Variants in PLD1 observed in about 807,000 individuals in gnomAD.
PLD1 encodes phospholipase D1.
In PLD1, 112 loss-of-function variants were observed where a neutral mutation model predicts 137.1. The ratio of observed to expected loss-of-function variants is 0.82; its 90% confidence interval spans 0.70 to 0.96. PLD1 has a LOEUF of 0.96. PLD1 is among the 40% of genes least tolerant of loss of function. The probability of loss-of-function intolerance (pLI) is 0.00; values close to 1 mark genes in which losing one functional copy is unlikely to be tolerated. For missense variants in PLD1, 1,321 were observed against 1,342.0 expected (o/e 0.98, Z 0.24); for synonymous variants, 431 against 454.7 (o/e 0.95, Z 0.66).
At chr3:171,707,003 C>T (rs1438274231) in intron 11 of PLD1, among the ~76,000 whole-genome samples, 4 of 152,178 alleles carry the variant, frequency 2.6e-5, no homozygotes, top group African/African-American at 7.2e-5. Context: ...AGAATGAGAT[C>T]ATGTCCTTTG....
At chr3:171,667,158 A>G (rs1712233751) in intron 19 of PLD1, among the ~76,000 whole-genome samples, 1 of 152,192 alleles carries the variant, frequency 6.6e-6, no homozygotes, top group Non-Finnish European at 1.5e-5. Context: ...ATTTAGGACA[A>G]AAGCACTTTT....
intron 24 of PLD1, 91 bp downstream of exon 24, chr3:171,620,295 A>G: frequency 1.1e-6 from 1 of 873,118 alleles, no homozygotes; most frequent in Non-Finnish European, 1.7e-6. Flanking sequence ...TTCAAATGCA[A>G]AGGATGCTTA....
chr3:171,745,881 G>T (rs1720118934), intron 1 of PLD1, among the ~76,000 whole-genome samples: 1 of 151,992 alleles, frequency 6.6e-6, no homozygotes, highest in Non-Finnish European at 1.5e-5. Flanking sequence ...CTTGCAGGGA[G>T]GTGTGGAGGG....
Position 171,659,206 on chromosome 3 carries a change from CT to C in PLD1, c.2429+6del. On this transcript the variant is annotated splice_donor_region_variant and intron_variant, in intron 21 of 26. Coordinates refer to ENST00000351298, the MANE Select transcript of PLD1 (RefSeq NM_002662.5). ...TGCAGCGAGAACTCTCAGCCAAAGG[CT>C]GTTACCTGTGAGCTTTCAGGATCCT... 9 of 1,591,060 alleles carry C rather than the reference CT, an allele frequency of 5.7e-6. No individual in the cohort carries two copies. The highest frequency in any genetic ancestry group is 3.3e-4 in the Middle Eastern group (2 of 6,012).
chr3:171,676,256 C>A (rs1358089129), intron 18 of PLD1, among the ~76,000 whole-genome samples: 1 of 152,150 alleles, frequency 6.6e-6, no homozygotes, highest in Non-Finnish European at 1.5e-5. Context: ...CTTAATACTT[C>A]TTGGTTTGCT....
At chr3:171,631,291 A>C (rs1734638552) in intron 23 of PLD1, among the ~76,000 whole-genome samples, 1 of 152,152 alleles carries the variant, frequency 6.6e-6, no homozygotes, top group African/African-American at 2.4e-5. Context: ...CTGTGTATTA[A>C]AAGGTTGAGG....
intron 1 of PLD1, chr3:171,809,956 T>C (rs956449115): frequency 1.3e-5 from 2 of 152,320 alleles, no homozygotes; most frequent in Admixed American, 1.3e-4. Context: ...CACTTCCTGG[T>C]TGGTACGGGA....
Position 171,676,695 on chromosome 3 carries a change from T to C in PLD1, c.2115+20A>G, listed in dbSNP as rs1713392761. ...TGCCTCTCTTCATGTGGATAAATCA[T>C]GATAGCAACATCCAAGTACTTTTGT... On this transcript the variant is annotated intron_variant, in intron 18 of 26. Transcript: ENST00000351298. The C allele has an allele frequency of 3.8e-6, 6 of 1,576,474 alleles. No homozygotes were observed. Among genetic ancestry groups the C allele is most frequent in the Non-Finnish European group, 5.2e-6 (6 of 1,145,762 alleles).
intron 16 of PLD1, among the ~76,000 whole-genome samples, chr3:171,680,226 TTTTC>T (rs1206772862): frequency 1.3e-5 from 2 of 151,194 alleles, no homozygotes; most frequent in South Asian, 2.1e-4. Flanking sequence ...TGTCTTTTTG[TTTTC>T]TTTTTCTTCC....
intron 1 of PLD1, among the ~76,000 whole-genome samples, chr3:171,804,689 A>G (rs1460315852): frequency 6.6e-6 from 1 of 152,262 alleles, no homozygotes; most frequent in Middle Eastern, 3.2e-3. Flanking sequence ...GAAGATCCCA[A>G]TCAGGGGCTA....
chr3:171,607,737 T>C (rs1167089417), intron 25 of PLD1, among the ~76,000 whole-genome samples: 1 of 152,202 alleles, frequency 6.6e-6, no homozygotes, highest in East Asian at 1.9e-4. Flanking sequence ...CTTTAAATGA[T>C]TCTGAGTCCT....
Position 171,687,441 on chromosome 3 carries a change from A to C in PLD1, c.1683T>G (p.Ser561Arg), listed in dbSNP as rs139390007. ...GGTGCCTGTGGAGCTGCTTGTAGAG[A>C]CTAAATTTGGAGAACTTTCTTGGCT... ...IGKPRKFSKF[S>R]LYKQLHRHHL... Residue 561 changes from serine (S) to arginine (R), a missense_variant, in exon 15 of 27, where the codon AGT becomes AGG. Transcript: ENST00000351298. 1 of 1,614,056 alleles carries C rather than the reference A, an allele frequency of 6.2e-7. No homozygotes were observed. Among genetic ancestry groups the C allele is most frequent in the Non-Finnish European group, 8.5e-7 (1 of 1,179,998 alleles).
chr3:171,695,185 T>C (rs1041295386), intron 12 of PLD1, among the ~76,000 whole-genome samples: 1 of 152,154 alleles, frequency 6.6e-6, no homozygotes, highest in Admixed American at 6.5e-5. Flanking sequence ...TGTAGGCTTA[T>C]ACAAAATGTG....
At chr3:171,806,288 C>T (rs778888481) in intron 1 of PLD1, among the ~76,000 whole-genome samples, 16 of 152,152 alleles carry the variant, frequency 1.1e-4, no homozygotes, top group Non-Finnish European at 1.6e-4. Flanking sequence ...ACGTAACATA[C>T]ACTTTTGCTT....
chr3:171,714,686 T>C (rs1453258407), intron 8 of PLD1, among the ~76,000 whole-genome samples: 2 of 152,240 alleles, frequency 1.3e-5, no homozygotes, highest in African/African-American at 4.8e-5. Flanking sequence ...TATGTTTTAA[T>C]GGCTTTATAA....
chr3:171,640,304 G>A (rs184481590), intron 23 of PLD1, among the ~76,000 whole-genome samples: 26 of 151,986 alleles, frequency 1.7e-4, no homozygotes, highest in African/African-American at 6.3e-4. Context: ...AATGTTTATA[G>A]TTATAAATTT....
chr3:171,810,336 G>T (rs936537412), intron 1 of PLD1, 63 bp downstream of exon 1: 2 of 152,278 alleles, frequency 1.3e-5, no homozygotes, highest in African/African-American at 4.8e-5. Context: ...GACGGAGGGC[G>T]AGGGCAGTGG....
chr3:171,694,553 G>A (rs1715504884), intron 12 of PLD1, among the ~76,000 whole-genome samples: 2 of 140,186 alleles, frequency 1.4e-5, no homozygotes, highest in African/African-American at 2.7e-5. Flanking sequence ...CTGAATAATG[G>A]TTACAAAAAA....
At chr3:171,688,640 G>C in intron 14 of PLD1, 36 bp downstream of exon 14, 3 of 1,427,736 alleles carry the variant, frequency 2.1e-6, no homozygotes, top group Non-Finnish European at 3.0e-6. Flanking sequence ...AATTATGTTC[G>C]TGTTATACAT....
Sources: allele counts gnomAD v4.1 joint callset (sites outside exome capture counted in the v4.1 genomes callset), GRCh38; gene constraint gnomAD v4.1.1; transcripts MANE v1.5; gene names NCBI Gene and HGNC (gene_info 2026-07-23, HGNC 2026-07-21).